Variants in DHX36 observed in about 807,000 individuals in gnomAD.
DHX36 encodes the protein DEAH-box helicase 36.
Under a neutral mutation model 139.0 loss-of-function variants are expected in DHX36, and 50 were observed. The ratio of observed to expected loss-of-function variants is 0.36; its 90% CI spans 0.29 to 0.46. DHX36 has a LOEUF of 0.46. Ranked by LOEUF, DHX36 falls within the 20% of genes least tolerant of loss-of-function variation. The pLI is 1.00. For synonymous variants in DHX36, 425 were observed against 401.9 expected, an observed-to-expected ratio of 1.06 and a Z score of -0.69; for missense variants, 1,024 against 1,211.3, an observed-to-expected ratio of 0.85 and a Z score of 2.29.
intron 9 of DHX36, among the ~76,000 whole-genome samples, chr3:154,303,080 TA>T (rs1712364164): frequency 6.6e-6 from 1 of 151,780 alleles, no homozygotes; most frequent in Non-Finnish European, 1.5e-5. Context: ...CTGTCTCAAT[TA>T]AAAAAAACCA....
At chr3:154,324,120 G>A in intron 1 of DHX36, 54 bp downstream of exon 1, 6 of 1,521,634 alleles carry the variant, frequency 3.9e-6, no homozygotes, top group African/African-American at 1.4e-5. Flanking sequence ...GGCAGCGGGA[G>A]AGAGAAGAAA....
At chr3:154,297,142 T>C (rs1395981272) in intron 12 of DHX36, among the ~76,000 whole-genome samples, 1 of 152,192 alleles carries the variant, frequency 6.6e-6, no homozygotes, top group Non-Finnish European at 1.5e-5. Flanking sequence ...AGCAATGTTC[T>C]AGAGCTAGAT....
At chr3:154,284,717 T>C (rs750327747) in intron 18 of DHX36, 48 bp from the exon 19 acceptor site, 5 of 1,595,078 alleles carry the variant, frequency 3.1e-6, no homozygotes, top group Non-Finnish European at 3.4e-6. Flanking sequence ...GATGCTATAA[T>C]GGAGAATGAC....
intron 1 of DHX36, among the ~76,000 whole-genome samples, chr3:154,320,545 A>G (rs1713151685): frequency 7.8e-6 from 1 of 128,654 alleles, no homozygotes; most frequent in Non-Finnish European, 1.7e-5. Flanking sequence ...TTTTCTAGGC[A>G]TCAGATCTAC....
chr3:154,312,034 C>T (rs1712781116), intron 3 of DHX36: 1 of 164,288 alleles, frequency 6.1e-6, no homozygotes, highest in South Asian at 1.8e-4. Context: ...GTTTTTCCCA[C>T]CCAACAGTGC....
chr3:154,276,135 G>A lies in DHX36; in HGVS notation c.*36C>T. 1 of 1,577,940 alleles carries A rather than the reference G, an allele frequency of 6.3e-7. No individual in the cohort carries two copies. Among genetic ancestry groups the A allele is most frequent in the Non-Finnish European group, 8.6e-7 (1 of 1,164,108 alleles). Reference sequence around the variant, plus strand: ...ATTTAAACAATGATGAAGAATGGCTGTCAAACTGGCTTTTCAGACCACCCC... The same window carrying A: ...ATTTAAACAATGATGAAGAATGGCTATCAAACTGGCTTTTCAGACCACCCC... On this transcript the variant is annotated 3_prime_UTR_variant, in exon 25 of 25. Coordinates refer to ENST00000496811, the MANE Select transcript of DHX36 (RefSeq NM_020865.3).
chr3:154,279,276 A>C (rs1214643278), intron 22 of DHX36: 1 of 152,216 alleles, frequency 6.6e-6, no homozygotes, highest in African/African-American at 2.4e-5. Context: ...TTTGTGTTCC[A>C]ACAAAAAAAG....
In DHX36 at chr3:154,311,522, A is replaced by G. The variant is rs1712762386; in HGVS notation, c.642+114T>C. The G allele has an allele frequency of 4.8e-6, 4 of 828,522 alleles. No homozygotes were observed. The Admixed American group carries it at 1.0e-4, about 21-fold the overall frequency. 51.3% of individuals were successfully genotyped at this position (828,522 alleles called of 1,614,324 possible). A position where few individuals can be genotyped will look rare whatever the true frequency, so the allele number is the denominator to read the frequency against. ...CAAAAGAATAAAATTAACTTCCAATACTATCCTGTAAAAGAAAGTTCATTA... is the reference window on the plus strand; with the variant it reads ...CAAAAGAATAAAATTAACTTCCAATGCTATCCTGTAAAAGAAAGTTCATTA... On this transcript the variant is annotated intron_variant, in intron 4 of 24. Coordinates refer to ENST00000496811, the MANE Select transcript of DHX36 (RefSeq NM_020865.3).
intron 20 of DHX36, among the ~76,000 whole-genome samples, chr3:154,282,382 T>C (rs1719357698): frequency 6.6e-6 from 1 of 152,164 alleles, no homozygotes; most frequent in Admixed American, 6.5e-5. Flanking sequence ...TTTCTTTTGA[T>C]CTTCAATTTG....
chr3:154,309,557 G>C, intron 5 of DHX36, 96 bp downstream of exon 5: 1 of 1,102,462 alleles, frequency 9.1e-7, no homozygotes, highest in Non-Finnish European at 1.2e-6. Context: ...CCAATCCTAA[G>C]CCTAATTAAG....
At position 154,283,288 on chromosome 3, in the gene DHX36, T is replaced by A; in HGVS notation, c.2293-17A>T. 1 of 1,568,492 alleles carries A rather than the reference T, an allele frequency of 6.4e-7. No homozygotes were observed. The highest frequency in any genetic ancestry group is 8.8e-7 in the Non-Finnish European group (1 of 1,139,604). On this transcript the variant is annotated splice_polypyrimidine_tract_variant and intron_variant, in intron 19 of 24. Transcript: ENST00000496811. Reference sequence around the variant, plus strand: ...TTCCCAGCCCTATGGGGCAAAGAAATGAAGAAATCTATATTTCTCCCGCAA... The same window carrying A: ...TTCCCAGCCCTATGGGGCAAAGAAAAGAAGAAATCTATATTTCTCCCGCAA...
intron 20 of DHX36, among the ~76,000 whole-genome samples, chr3:154,282,605 T>G (rs1719367565): frequency 6.6e-6 from 1 of 152,092 alleles, no homozygotes; most frequent in South Asian, 2.1e-4. Flanking sequence ...ACTGGGCACT[T>G]CTGATTTGGT....
At chr3:154,300,869 A>G (rs1345471526) in intron 10 of DHX36, 118 bp downstream of exon 10, 12 of 1,433,032 alleles carry the variant, frequency 8.4e-6, no homozygotes, top group East Asian at 2.3e-5. Context: ...TTTAGCTCGA[A>G]TAAGAGACTC....
chr3:154,274,913 A>G lies in DHX36; in HGVS notation c.*1258T>C, dbSNP rs529571394. On this transcript the variant is annotated 3_prime_UTR_variant, in exon 25 of 25. Coordinates refer to ENST00000496811, the MANE Select transcript of DHX36 (RefSeq NM_020865.3). ...CAATCTGATAGGGCTGAAAATGTAC[A>G]GCATGTGTTGTTACACTATTCCTTG... 6.6e-6 allele frequency: 1 copy of G among 152,378 alleles called. No individual in the cohort carries two copies. The highest frequency in any genetic ancestry group is 2.4e-5 in the African/African-American group (1 of 41,596). The allele number at this position is 152,378 out of a possible 1,614,324, so 9.4% of individuals were successfully genotyped here. A position where few individuals can be genotyped will look rare whatever the true frequency, so the allele number is the denominator to read the frequency against.
intron 1 of DHX36, among the ~76,000 whole-genome samples, chr3:154,316,982 TAG>T (rs1219407735): frequency 1.3e-5 from 2 of 151,806 alleles, no homozygotes; most frequent in Non-Finnish European, 2.9e-5. Flanking sequence ...TGGTGAAAAT[TAG>T]AGTGTGTTAG....
intron 8 of DHX36, 130 bp downstream of exon 8, chr3:154,304,676 G>T: frequency 1.4e-6 from 1 of 693,178 alleles, no homozygotes; most frequent in Non-Finnish European, 2.2e-6. Flanking sequence ...AAACTGGAGG[G>T]TAGAATAATA....
intron 22 of DHX36, chr3:154,277,969 ATCT>A (rs1259187640): frequency 2.8e-5 from 8 of 283,312 alleles, no homozygotes; most frequent in African/African-American, 1.1e-4. Flanking sequence ...CATGTAACTA[ATCT>A]TCTTCTTGCA....
intron 1 of DHX36, among the ~76,000 whole-genome samples, chr3:154,320,566 C>G (rs1471061967): frequency 6.6e-6 from 1 of 152,196 alleles, no homozygotes; most frequent in Non-Finnish European, 1.5e-5. Flanking sequence ...ACAGCCCTCT[C>G]CCTCCTGCAA....
chr3:154,277,574 T>C, intron 23 of DHX36, 24 bp downstream of exon 23: 1 of 1,581,028 alleles, frequency 6.3e-7, no homozygotes, highest in South Asian at 1.2e-5. Context: ...ATCAGATCCT[T>C]AATTATTTTA....
Sources: gnomAD v4.1 joint callset for allele counts (sites outside exome capture counted in the v4.1 genomes callset) on GRCh38, gnomAD v4.1.1 for gene constraint, MANE v1.5 for transcripts, NCBI Gene and HGNC (gene_info 2026-07-23, HGNC 2026-07-21) for gene names.